The following CDH12 variants were observed in gnomAD, a reference collection of about 807,000 sequenced individuals.
CDH12 encodes cadherin-12.
In CDH12, 41 loss-of-function variants were observed where a neutral mutation model predicts 74.1. The observed-to-expected ratio is 0.55, with a 90% CI of 0.43 to 0.72. CDH12 has a LOEUF of 0.72. Ranked by LOEUF, CDH12 falls within the 30% of genes least tolerant of loss-of-function variation. CDH12 has a pLI of 0.00. For missense variants in CDH12, 945 were observed against 977.2 expected (o/e 0.97, Z 0.44); for synonymous variants, 399 against 355.0 (o/e 1.12, Z -1.39).
intron 4 of CDH12, among the ~76,000 whole-genome samples, chr5:22,211,533 T>G (rs1751542413): frequency 6.6e-6 from 1 of 152,002 alleles, no homozygotes; most frequent in Non-Finnish European, 1.5e-5. Context: ...CAGGCTATAT[T>G]TACATGCGCT....
chr5:22,646,028 A>G (rs1342686839), intron 1 of CDH12, among the ~76,000 whole-genome samples: 2 of 151,806 alleles, frequency 1.3e-5, no homozygotes, highest in Non-Finnish European at 2.9e-5. Flanking sequence ...CTGATCTCTC[A>G]ATATTTCTGA....
intron 3 of CDH12, among the ~76,000 whole-genome samples, chr5:22,380,857 G>A (rs1418450892): frequency 6.6e-6 from 1 of 152,052 alleles, no homozygotes; most frequent in Non-Finnish European, 1.5e-5. Context: ...AGATCAATAT[G>A]CTTATAACAT....
intron 3 of CDH12, among the ~76,000 whole-genome samples, chr5:22,400,189 C>A (rs1742668283): frequency 6.6e-6 from 1 of 152,070 alleles, no homozygotes; most frequent in African/African-American, 2.4e-5. Flanking sequence ...CTTTGCCTGG[C>A]AGGTTAATAA....
intron 1 of CDH12, among the ~76,000 whole-genome samples, chr5:22,545,341 T>C (rs1738268852): frequency 6.6e-6 from 1 of 152,152 alleles, no homozygotes; most frequent in Admixed American, 6.6e-5. Context: ...AAAATTCTCT[T>C]TAGCTCCAGC....
chr5:22,075,990 A>G (rs973132437), intron 5 of CDH12, among the ~76,000 whole-genome samples: 8 of 152,136 alleles, frequency 5.3e-5, no homozygotes, highest in African/African-American at 1.9e-4. Context: ...CCATGTTATC[A>G]TATTTCTATT....
In CDH12 at chr5:22,516,215, TACTG is replaced by T. The variant is rs149338991; in HGVS notation, c.-522-10855_-522-10852del. 3.7e-3 allele frequency among the ~76,000 whole-genome samples: 561 copies of T among 152,266 alleles called. 3 individuals carry two copies. Among genetic ancestry groups the T allele is most frequent in the Admixed American group, 5.1e-3 (78 of 15,284 alleles). ...GGCAAACAATTGAATATTCATATAA[TACTG>T]ACAAAAATATAAATTAGTACAGCCC... On this transcript the variant is annotated intron_variant, in intron 1 of 14. Coordinates refer to ENST00000382254, the MANE Select transcript of CDH12 (RefSeq NM_004061.5).
intron 10 of CDH12, among the ~76,000 whole-genome samples, chr5:21,798,434 A>T (rs1264577274): frequency 1.3e-5 from 2 of 152,120 alleles, no homozygotes. Context: ...AGTAATTGTT[A>T]TACTTATTTC....
intron 4 of CDH12, among the ~76,000 whole-genome samples, chr5:22,104,531 T>A (rs2150253232): frequency 6.6e-6 from 1 of 152,302 alleles, no homozygotes; most frequent in South Asian, 2.1e-4. Flanking sequence ...TTAGCAGGGA[T>A]ATCCCTGAAG....
At chr5:21,907,729 G>A (rs1753703357) in intron 6 of CDH12, among the ~76,000 whole-genome samples, 1 of 152,122 alleles carries the variant, frequency 6.6e-6, no homozygotes, top group Non-Finnish European at 1.5e-5. Flanking sequence ...TGCTCTACCT[G>A]GCTTGGAATT....
chr5:21,783,169 G>A (rs1174222392), intron 11 of CDH12, among the ~76,000 whole-genome samples, 189 bp downstream of exon 11: 1 of 151,858 alleles, frequency 6.6e-6, no homozygotes, highest in Non-Finnish European at 1.5e-5. Context: ...CTGCAAACAG[G>A]ACTCATTGGC....
At chr5:22,549,643 T>G (rs945655993) in intron 1 of CDH12, among the ~76,000 whole-genome samples, 1 of 152,182 alleles carries the variant, frequency 6.6e-6, no homozygotes, top group African/African-American at 2.4e-5. Flanking sequence ...TGCTATGTAG[T>G]TCAAAACGAC....
At chr5:21,772,222 G>A (rs1230012444) in intron 11 of CDH12, among the ~76,000 whole-genome samples, 1 of 152,036 alleles carries the variant, frequency 6.6e-6, no homozygotes, top group Non-Finnish European at 1.5e-5. Flanking sequence ...TCTCCTCAAT[G>A]TGTACCTCTT....
At chr5:22,477,799 C>T (rs184211257) in intron 2 of CDH12, among the ~76,000 whole-genome samples, 1 of 152,326 alleles carries the variant, frequency 6.6e-6, no homozygotes, top group African/African-American at 2.4e-5. Flanking sequence ...AGGATTCCAA[C>T]TCTTTCACCT....
chr5:22,214,808 A>T (rs1365943326), intron 3 of CDH12, among the ~76,000 whole-genome samples: 1 of 152,214 alleles, frequency 6.6e-6, no homozygotes, highest in African/African-American at 2.4e-5. Context: ...TGCCCTGATG[A>T]CATTTCCAAA....
chr5:22,625,527 G>T (rs1409430030), intron 1 of CDH12, among the ~76,000 whole-genome samples: 1 of 152,150 alleles, frequency 6.6e-6, no homozygotes, highest in African/African-American at 2.4e-5. Flanking sequence ...TTCAGGAAGG[G>T]TTGTAGTGGA....
chr5:22,638,981 G>C (rs1456601775), intron 1 of CDH12: 9 of 144,850 alleles, frequency 6.2e-5, no homozygotes. Flanking sequence ...AACCCGGGAG[G>C]CGGAGCTTGC....
At chr5:22,393,558 CG>C (rs1742336188) in intron 3 of CDH12, among the ~76,000 whole-genome samples, 2 of 152,028 alleles carry the variant, frequency 1.3e-5, no homozygotes, top group Middle Eastern at 6.8e-3. Flanking sequence ...GAAAAAATAC[CG>C]AAAAATGTGG....
chr5:22,433,052 G>T (rs1744238295), intron 2 of CDH12, among the ~76,000 whole-genome samples: 2 of 152,072 alleles, frequency 1.3e-5, no homozygotes, highest in African/African-American at 2.4e-5. Context: ...TACAGACCAA[G>T]AAAAGCTGAC....
At chr5:22,810,917 G>C (rs747055073) in intron 1 of CDH12, among the ~76,000 whole-genome samples, 5 of 148,128 alleles carry the variant, frequency 3.4e-5, no homozygotes, top group Non-Finnish European at 7.4e-5. Flanking sequence ...GTGTGTGTGT[G>C]TGTGTGTGTG....
Sources: allele counts gnomAD v4.1 joint callset (sites outside exome capture counted in the v4.1 genomes callset), GRCh38; gene constraint gnomAD v4.1.1; transcripts MANE v1.5; gene names NCBI Gene and HGNC (gene_info 2026-07-23, HGNC 2026-07-21).